Variants in DCC observed in about 807,000 individuals in gnomAD.
The protein encoded by DCC is DCC netrin 1 receptor, also known as netrin receptor DCC.
DCC carries 58 observed loss-of-function variants against 172.5 expected under a neutral mutation model. The ratio of observed to expected loss-of-function variants is 0.34; its 90% CI spans 0.27 to 0.42. The LOEUF (loss-of-function observed/expected upper bound fraction) is 0.42, where lower values mean the gene tolerates loss of function less well. DCC is among the 10% of genes least tolerant of loss of function. DCC has a pLI of 1.00. For missense variants in DCC, 1,740 were observed against 1,791.0 expected (o/e 0.97, Z 0.51); for synonymous variants, 709 against 644.5 (o/e 1.10, Z -1.52).
At chr18:52,997,084 A>T (rs755176778) in intron 5 of DCC, among the ~76,000 whole-genome samples, 5 of 152,084 alleles carry the variant, frequency 3.3e-5, no homozygotes, top group Non-Finnish European at 5.9e-5. Flanking sequence ...ACAAAAGCCA[A>T]ACCATTAAGA....
At chr18:52,438,399 A>C (rs1987865092) in intron 1 of DCC, among the ~76,000 whole-genome samples, 1 of 152,208 alleles carries the variant, frequency 6.6e-6, no homozygotes, top group Non-Finnish European at 1.5e-5. Flanking sequence ...AGAGTGCTGT[A>C]AAATGGAGAG....
intron 1 of DCC, among the ~76,000 whole-genome samples, chr18:52,653,203 C>T (rs1168581751): frequency 1.3e-5 from 2 of 152,042 alleles, no homozygotes; most frequent in Non-Finnish European, 2.9e-5. Context: ...TTTTTGATGG[C>T]ATGAAAGGTA....
intron 9 of DCC, among the ~76,000 whole-genome samples, chr18:53,180,181 T>C (rs1312741652): frequency 6.6e-6 from 1 of 152,196 alleles, no homozygotes; most frequent in Admixed American, 6.5e-5. Context: ...GGAGATACAG[T>C]CTGAGTGCAC....
chr18:53,111,420 AAAG>A (rs2043329608), intron 7 of DCC, among the ~76,000 whole-genome samples: 1 of 104,288 alleles, frequency 9.6e-6, no homozygotes, highest in African/African-American at 4.1e-5. Context: ...TAAAATAAAA[AAAG>A]ACAAAAAAAA....
At chr18:52,413,051 A>G (rs916925102) in intron 1 of DCC, among the ~76,000 whole-genome samples, 1 of 151,968 alleles carries the variant, frequency 6.6e-6, no homozygotes, top group Non-Finnish European at 1.5e-5. Context: ...GACATTTATT[A>G]TCTCCATTGT....
At chr18:53,260,275 C>T (rs1006010330) in intron 12 of DCC, among the ~76,000 whole-genome samples, 1 of 152,104 alleles carries the variant, frequency 6.6e-6, no homozygotes, top group African/African-American at 2.4e-5. Context: ...GGAGGAGAGG[C>T]GTTCTGATTT....
At chr18:52,927,228 C>T (rs1313887649) in intron 5 of DCC, among the ~76,000 whole-genome samples, 4 of 126,466 alleles carry the variant, frequency 3.2e-5, no homozygotes, top group South Asian at 3.0e-4. Context: ...CATATATGCA[C>T]ATATATACTT....
At chr18:52,615,340 C>T (rs561946057) in intron 1 of DCC, among the ~76,000 whole-genome samples, 4 of 152,266 alleles carry the variant, frequency 2.6e-5, no homozygotes, top group South Asian at 2.1e-4. Context: ...GTGCTTCTGC[C>T]GTTTAGATTT....
At chr18:52,634,985 A>G (rs568735438) in intron 1 of DCC, among the ~76,000 whole-genome samples, 1 of 152,292 alleles carries the variant, frequency 6.6e-6, no homozygotes, top group African/African-American at 2.4e-5. Flanking sequence ...TCACTCTTCT[A>G]TTCTTATAAG....
At chr18:52,949,674 G>A (rs555010797) in intron 5 of DCC, among the ~76,000 whole-genome samples, 2 of 152,270 alleles carry the variant, frequency 1.3e-5, no homozygotes, top group East Asian at 1.9e-4. Flanking sequence ...CCTTCAAAGT[G>A]GTTTTCAGCA....
chr18:52,567,449 C>T (rs770600397), intron 1 of DCC, among the ~76,000 whole-genome samples: 9 of 152,068 alleles, frequency 5.9e-5, no homozygotes, highest in Non-Finnish European at 1.3e-4. Context: ...GACATCCTGG[C>T]TCCATCATTT....
intron 13 of DCC, among the ~76,000 whole-genome samples, chr18:53,318,566 A>G (rs1195383012): frequency 6.6e-6 from 1 of 152,110 alleles, no homozygotes; most frequent in East Asian, 1.9e-4. Flanking sequence ...TGATCTGTCT[A>G]ATATTGACAG....
At chr18:53,236,229 C>T (rs1013585194) in intron 12 of DCC, among the ~76,000 whole-genome samples, 1 of 152,112 alleles carries the variant, frequency 6.6e-6, no homozygotes, top group African/African-American at 2.4e-5. Flanking sequence ...CAATCCCAAC[C>T]AACACATGGA....
intron 1 of DCC, among the ~76,000 whole-genome samples, chr18:52,453,070 C>T (rs1223181271): frequency 6.6e-6 from 1 of 152,230 alleles, no homozygotes; most frequent in Non-Finnish European, 1.5e-5. Context: ...TAGGCACAGG[C>T]CACCCTCTCC....
Position 52,541,962 on chromosome 18 carries a change from C to A in DCC, c.91+201084C>A, listed in dbSNP as rs1352008574. ...ACTTAGACTATATAAAATATATACACTATATTATATCAAATATGTAATATA... is the reference window on the plus strand; with the variant it reads ...ACTTAGACTATATAAAATATATACAATATATTATATCAAATATGTAATATA... On this transcript the variant is annotated intron_variant, in intron 1 of 28. Coordinates refer to ENST00000442544, the MANE Select transcript of DCC (RefSeq NM_005215.4). Among the ~76,000 whole-genome samples the A allele has an allele frequency of 3.5e-5, 5 of 144,814 alleles. No homozygotes were observed. The South Asian group carries it at 8.5e-4, about 25-fold the overall frequency.
At chr18:53,017,385 G>A (rs1238437635) in intron 5 of DCC, among the ~76,000 whole-genome samples, 2 of 152,104 alleles carry the variant, frequency 1.3e-5, no homozygotes, top group Non-Finnish European at 2.9e-5. Flanking sequence ...ATTTAAGCAA[G>A]AAATGTCTTT....
intron 1 of DCC, among the ~76,000 whole-genome samples, chr18:52,565,018 A>T (rs886964284): frequency 5.9e-5 from 9 of 152,146 alleles, no homozygotes. Context: ...TGTGTAAGGG[A>T]CTAAGAAGGA....
intron 1 of DCC, among the ~76,000 whole-genome samples, chr18:52,654,766 C>A (rs2035213124): frequency 6.6e-6 from 1 of 152,102 alleles, no homozygotes; most frequent in Non-Finnish European, 1.5e-5. Flanking sequence ...AACATACCCC[C>A]TCTTCCCTGT....
At chr18:53,349,136 G>A (rs1013018260) in intron 15 of DCC, among the ~76,000 whole-genome samples, 2 of 152,140 alleles carry the variant, frequency 1.3e-5, no homozygotes, top group Non-Finnish European at 2.9e-5. Flanking sequence ...GTCACCTCTT[G>A]AATGCTTTGC....
Sources: allele counts gnomAD v4.1 joint callset (sites outside exome capture counted in the v4.1 genomes callset), GRCh38; gene constraint gnomAD v4.1.1; transcripts MANE v1.5; gene names NCBI Gene and HGNC (gene_info 2026-07-23, HGNC 2026-07-21).